The following SMOC1 variants were observed in gnomAD, a reference collection of about 807,000 sequenced individuals.
The protein encoded by SMOC1 is SPARC related modular calcium binding 1, also known as SPARC-related modular calcium-binding protein 1.
A neutral mutation model predicts 56.3 loss-of-function variants in SMOC1; 22 were observed. The ratio of observed to expected loss-of-function variants is 0.39; its 90% CI spans 0.28 to 0.56. SMOC1 has a LOEUF of 0.56. Ranked by LOEUF, SMOC1 falls within the 20% of genes least tolerant of loss-of-function variation. The pLI is 0.61. For synonymous variants in SMOC1, 193 were observed against 215.0 expected (o/e 0.90, Z 0.89); for missense variants, 509 against 565.4 (o/e 0.90, Z 1.01).
chr14:69,932,072 C>T (rs112369910), intron 1 of SMOC1, among the ~76,000 whole-genome samples: 14 of 152,350 alleles, frequency 9.2e-5, no homozygotes, highest in Admixed American at 3.9e-4. Flanking sequence ...CCTCAGAACC[C>T]GAGCTGTTCC....
At chr14:70,002,414 G>A (rs12889195) in intron 7 of SMOC1, among the ~76,000 whole-genome samples, 39,722 of 152,136 alleles carry the variant, frequency 0.26, 6,294 homozygotes, top group East Asian at 0.41. Flanking sequence ...GGCTGACTTT[G>A]TTCTGTTTGC....
At chr14:69,913,206 T>C (rs1248427654) in intron 1 of SMOC1, among the ~76,000 whole-genome samples, 1 of 152,188 alleles carries the variant, frequency 6.6e-6, no homozygotes, top group Non-Finnish European at 1.5e-5. Context: ...ACAAAATCAT[T>C]CCTCTATCTC....
At chr14:69,953,944 T>C (rs1403513601) in intron 3 of SMOC1, among the ~76,000 whole-genome samples, 1 of 152,146 alleles carries the variant, frequency 6.6e-6, no homozygotes, top group African/African-American at 2.4e-5. Context: ...CTGCTTTCTA[T>C]CCCCAGTCCT....
At chr14:70,024,083 G>A (rs973336672) in intron 11 of SMOC1, among the ~76,000 whole-genome samples, 1 of 152,118 alleles carries the variant, frequency 6.6e-6, no homozygotes, top group African/African-American at 2.4e-5. Flanking sequence ...CCAGAGCTCG[G>A]TCACTAGGAA....
chr14:70,003,320 T>C (rs1885035091), intron 7 of SMOC1, among the ~76,000 whole-genome samples: 1 of 152,196 alleles, frequency 6.6e-6, no homozygotes, highest in Admixed American at 6.5e-5. Context: ...TAAGTGCCTC[T>C]CATTTTTCAG....
intron 7 of SMOC1, 109 bp from the exon 8 acceptor site, chr14:70,010,645 C>G: frequency 8.5e-7 from 1 of 1,177,418 alleles, no homozygotes; most frequent in Non-Finnish European, 1.3e-6. Flanking sequence ...CTCATCAGTT[C>G]CTGGGTCCAG....
At chr14:70,017,696 G>A (rs150975923) in intron 10 of SMOC1, among the ~76,000 whole-genome samples, 130 of 152,306 alleles carry the variant, frequency 8.5e-4, no homozygotes, top group African/African-American at 4.8e-4. Flanking sequence ...GTTTCAACCC[G>A]CCCCTGGTAT....
chr14:69,923,776 C>A (rs912676196), intron 1 of SMOC1, among the ~76,000 whole-genome samples: 1 of 152,176 alleles, frequency 6.6e-6, no homozygotes, highest in Admixed American at 6.5e-5. Context: ...ACCTATCCTG[C>A]CCTTTCTCCT....
chr14:70,003,352 T>A (rs905767010), intron 7 of SMOC1, among the ~76,000 whole-genome samples: 1 of 152,176 alleles, frequency 6.6e-6, no homozygotes, highest in Admixed American at 6.5e-5. Flanking sequence ...TTTTAATTGA[T>A]TTTTCCCCCA....
intron 3 of SMOC1, among the ~76,000 whole-genome samples, chr14:69,953,993 A>G (rs1037259736): frequency 1.5e-5 from 2 of 129,060 alleles, no homozygotes; most frequent in African/African-American, 6.5e-5. Flanking sequence ...AAAGTGTACT[A>G]TGGTTCTTGG....
chr14:69,924,959 C>G (rs1352716351), intron 1 of SMOC1, among the ~76,000 whole-genome samples: 2 of 30,964 alleles, frequency 6.5e-5, no homozygotes, highest in Non-Finnish European at 1.4e-4. Flanking sequence ...GGTAGGGGAG[C>G]TAGGGGAGGT....
At chr14:70,013,258 C>A (rs1242023137) in intron 9 of SMOC1, 128 bp from the exon 10 acceptor site, 2 of 828,692 alleles carry the variant, frequency 2.4e-6, no homozygotes, top group Non-Finnish European at 4.0e-6. Flanking sequence ...GATCAGTAAA[C>A]AAATCACTAA....
In SMOC1 at chr14:69,952,223, C is replaced by T. The variant is rs375675205; in HGVS notation, c.185C>T (p.Ser62Phe). ...PKPICASDGRSYESMCEYQRA... is the reference protein window; with the variant it reads ...PKPICASDGRFYESMCEYQRA... ...CCCATCTGTGCCTCTGATGGCAGGT[C>T]CTACGAGTCCATGTGTGAGTACCAG... is the stretch of plus-strand genomic sequence containing the variant. Residue 62 changes from serine (S) to phenylalanine (F), a missense_variant, in exon 2 of 12, where the codon TCC (serine) becomes TTC (phenylalanine). By Grantham distance (155) the Ser-to-Phe change is radical (BLOSUM62 -2). Around this residue, in one of 3 missense-constraint regions of SMOC1, gnomAD observed 315 missense variants for 333.1 expected, o/e 0.95. Coordinates refer to ENST00000361956, the MANE Select transcript of SMOC1 (RefSeq NM_001034852.3). The T allele has an allele frequency of 1.2e-6, 2 of 1,614,168 alleles. No individual in the cohort carries two copies. Among genetic ancestry groups the T allele is most frequent in the Non-Finnish European group, 1.7e-6 (2 of 1,180,010 alleles).
At chr14:70,026,753 CTGTT>C (rs766753137) in intron 11 of SMOC1, among the ~76,000 whole-genome samples, 28 of 152,198 alleles carry the variant, frequency 1.8e-4, no homozygotes, top group African/African-American at 6.3e-4. Context: ...ATACACATGT[CTGTT>C]TGTGCATGTC....
chr14:69,903,641 G>T (rs373522422), intron 1 of SMOC1, among the ~76,000 whole-genome samples: 11 of 152,028 alleles, frequency 7.2e-5, no homozygotes, highest in Non-Finnish European at 1.6e-4. Flanking sequence ...GCTGTGTCCA[G>T]TCAGGGTTAA....
At chr14:69,937,236 T>C (rs1885318399) in intron 1 of SMOC1, among the ~76,000 whole-genome samples, 1 of 152,176 alleles carries the variant, frequency 6.6e-6, no homozygotes, top group African/African-American at 2.4e-5. Flanking sequence ...ATCTGCTAAG[T>C]GCAAAAGCAA....
intron 6 of SMOC1, 131 bp from the exon 7 acceptor site, chr14:69,994,269 G>A (rs1163672818): frequency 1.3e-6 from 1 of 793,558 alleles, no homozygotes; most frequent in Non-Finnish European, 2.3e-6. Flanking sequence ...TGGGAGGAGT[G>A]GATGTGGGAG....
At chr14:69,935,434 G>A (rs977466731) in intron 1 of SMOC1, among the ~76,000 whole-genome samples, 3 of 152,176 alleles carry the variant, frequency 2.0e-5, no homozygotes, top group East Asian at 3.8e-4. Flanking sequence ...TTTGGAGGCC[G>A]ATCAGAAGGC....
At chr14:69,946,897 C>G (rs112761876) in intron 1 of SMOC1, among the ~76,000 whole-genome samples, 1 of 151,372 alleles carries the variant, frequency 6.6e-6, no homozygotes, top group Non-Finnish European at 1.5e-5. Context: ...GTTTGATCCA[C>G]CCCCCATCCC....
Sources: gnomAD v4.1 joint callset for allele counts (sites outside exome capture counted in the v4.1 genomes callset) on GRCh38, gnomAD v4.1.1 for gene constraint, gnomAD v4.1.1 regional missense constraint, MANE v1.5 for transcripts, NCBI Gene and HGNC (gene_info 2026-07-23, HGNC 2026-07-21) for gene names.